FAM81A: variants seen among roughly 807,000 people sequenced by gnomAD.
FAM81A encodes the protein family with sequence similarity 81 member A, also known as protein FAM81A.
FAM81A carries 19 observed loss-of-function variants against 46.7 expected under a neutral mutation model. The observed-to-expected ratio is 0.41, with a 90% confidence interval of 0.28 to 0.60. The LOEUF (loss-of-function observed/expected upper bound fraction) is 0.60. Ranked by LOEUF, FAM81A falls within the 20% of genes least tolerant of loss-of-function variation. The pLI is 0.34. For synonymous variants in FAM81A, 183 were observed against 152.9 expected (o/e 1.20, Z -1.45); for missense variants, 377 against 453.5 (o/e 0.83, Z 1.53).
chr15:59,452,150 T>A (rs1468607451), intron 1 of FAM81A, among the ~76,000 whole-genome samples: 1 of 152,254 alleles, frequency 6.6e-6, no homozygotes, highest in African/African-American at 2.4e-5. Context: ...CAAAGTCTCA[T>A]CTTAACTTGA....
chr15:59,481,440 C>CAA (rs199603028), intron 3 of FAM81A, among the ~76,000 whole-genome samples: 1 of 149,434 alleles, frequency 6.7e-6, no homozygotes, highest in African/African-American at 2.5e-5. Context: ...GTTGGACATA[C>CAA]AAAAAAAAAG....
intron 3 of FAM81A, among the ~76,000 whole-genome samples, chr15:59,490,196 T>A (rs563893896): frequency 1.1e-4 from 16 of 151,498 alleles, no homozygotes; most frequent in Non-Finnish European, 1.8e-4. Context: ...TCTAGGACAT[T>A]GGAGTGGGCA....
intron 3 of FAM81A, among the ~76,000 whole-genome samples, chr15:59,483,786 C>T (rs2081883957): frequency 6.6e-6 from 1 of 152,180 alleles, no homozygotes; most frequent in Non-Finnish European, 1.5e-5. Flanking sequence ...GATAGGCAGG[C>T]AGGAAAGCCT....
At chr15:59,412,586 G>C (rs1163384492) in intron 2 of FAM81A, among the ~76,000 whole-genome samples, 1 of 152,098 alleles carries the variant, frequency 6.6e-6, no homozygotes. Context: ...AATTAGCTTG[G>C]CGTGGTGGTA....
chr15:59,489,207 G>A (rs1463799681), intron 3 of FAM81A, among the ~76,000 whole-genome samples: 2 of 152,036 alleles, frequency 1.3e-5, no homozygotes, highest in Admixed American at 6.6e-5. Flanking sequence ...GGAGGTTGCA[G>A]TGAGCCGAGA....
At chr15:59,433,538 T>C (rs1253978439), upstream of FAM81A, among the ~76,000 whole-genome samples, 1 of 152,128 alleles carries the variant, frequency 6.6e-6, no homozygotes, top group Non-Finnish European at 1.5e-5. Flanking sequence ...AAGCAAAACA[T>C]AATATTTGAG....
intron 1 of FAM81A, among the ~76,000 whole-genome samples, chr15:59,453,747 T>A (rs1427552958): frequency 2.0e-5 from 3 of 149,728 alleles, no homozygotes; most frequent in Admixed American, 1.3e-4. Context: ...AAAAAAAAAA[T>A]TTGGAAGAGA....
At chr15:59,492,166 G>C in intron 3 of FAM81A, 105 bp from the exon 4 acceptor site, 1 of 782,282 alleles carries the variant, frequency 1.3e-6, no homozygotes. Context: ...AGTCTCTTAT[G>C]AAAGACTGAG....
At chr15:59,413,511 T>C (rs2081131798) in intron 2 of FAM81A, among the ~76,000 whole-genome samples, 1 of 152,056 alleles carries the variant, frequency 6.6e-6, no homozygotes, top group African/African-American at 2.4e-5. Context: ...TAATAGCTGA[T>C]TTTCTTATTT....
intron 3 of FAM81A, among the ~76,000 whole-genome samples, chr15:59,474,237 A>G (rs1407854391): frequency 6.6e-6 from 1 of 152,218 alleles, no homozygotes; most frequent in African/African-American, 2.4e-5. Context: ...CAATATTTGG[A>G]GCAAAATGCG....
rs61067164 is a variant in FAM81A at position 59,489,266 on chromosome 15, AATACATACATACATAC to A, written c.295-2973_295-2958del. Among the ~76,000 whole-genome samples the A allele has an allele frequency of 6.5e-4, 94 of 144,266 alleles. 1 individual carries two copies. The highest frequency in any genetic ancestry group is 3.6e-3 in the Middle Eastern group (1 of 280). The allele number at this position is 144,266 out of a possible 152,430, so 94.6% of individuals were successfully genotyped here. ...GACAACAGAGCGAGACTCCATCTCAAATACATACATACATACATACATACATACATACATACATACA... is the reference window on the plus strand; with the variant it reads ...GACAACAGAGCGAGACTCCATCTCAAATACATACATACATACATACATACA... On this transcript the variant is annotated intron_variant, in intron 3 of 8. Coordinates refer to ENST00000288228, the MANE Select transcript of FAM81A (RefSeq NM_152450.3).
At chr15:59,508,245 C>T (rs1404972325) in intron 5 of FAM81A, among the ~76,000 whole-genome samples, 2 of 152,152 alleles carry the variant, frequency 1.3e-5, no homozygotes, top group Non-Finnish European at 2.9e-5. Context: ...TCAAAAGAGA[C>T]ATTCTTTCTC....
intron 2 of FAM81A, among the ~76,000 whole-genome samples, chr15:59,421,794 C>T (rs28729522): frequency 0.058 from 7,906 of 136,342 alleles, 613 homozygotes; most frequent in African/African-American, 0.2. Context: ...TATCTATCTA[C>T]CTACCTAACT....
At chr15:59,480,336 T>A (rs1413895666) in intron 3 of FAM81A, among the ~76,000 whole-genome samples, 1 of 152,146 alleles carries the variant, frequency 6.6e-6, no homozygotes, top group Non-Finnish European at 1.5e-5. Context: ...TGGAGAGCTG[T>A]TTCTTTCCTG....
chr15:59,428,621 CTTTTTTTTT>C (rs1206186244), intron 2 of FAM81A, among the ~76,000 whole-genome samples: 1 of 70,286 alleles, frequency 1.4e-5, no homozygotes, highest in East Asian at 2.9e-4. Flanking sequence ...ATGTCTACTC[CTTTTTTTTT>C]TTTTTTTTTT....
chr15:59,487,256 GT>G (rs199600319), intron 3 of FAM81A, among the ~76,000 whole-genome samples: 12,612 of 145,744 alleles, frequency 0.087, 667 homozygotes, highest in African/African-American at 0.15. Context: ...TTAGTATAGA[GT>G]TTTTTATTAG....
At chr15:59,490,497 G>A (rs1173340478) in intron 3 of FAM81A, among the ~76,000 whole-genome samples, 2 of 152,182 alleles carry the variant, frequency 1.3e-5, no homozygotes, top group Non-Finnish European at 2.9e-5. Context: ...ATGAAAAGGT[G>A]CTCAACATCA....
chr15:59,411,898 A>AACG (rs1386065448), intron 2 of FAM81A, among the ~76,000 whole-genome samples: 2 of 151,930 alleles, frequency 1.3e-5, no homozygotes, highest in African/African-American at 4.8e-5. Flanking sequence ...CAACAACAAC[A>AACG]ACAACAAAAA....
chr15:59,431,475 C>T (rs577292599), intron 2 of FAM81A, among the ~76,000 whole-genome samples: 8 of 151,794 alleles, frequency 5.3e-5, no homozygotes, highest in Admixed American at 2.0e-4. Context: ...CCTCATGATC[C>T]GCCTGCCTTG....
Sources: allele counts gnomAD v4.1 joint callset (sites outside exome capture counted in the v4.1 genomes callset), GRCh38; gene constraint gnomAD v4.1.1; transcripts MANE v1.5; gene names NCBI Gene and HGNC (gene_info 2026-07-23, HGNC 2026-07-21).